RPS6KC1: variants seen among roughly 807,000 people sequenced by gnomAD.
RPS6KC1 encodes the protein ribosomal protein S6 kinase C1.
Under a neutral mutation model 103.8 loss-of-function variants are expected in RPS6KC1, and 54 were observed. That is an observed-to-expected ratio of 0.52 (90% CI 0.42 to 0.65). The LOEUF (loss-of-function observed/expected upper bound fraction) is 0.65. RPS6KC1 is among the 30% of genes least tolerant of loss of function. The pLI is 0.00. For missense variants in RPS6KC1, 1,151 were observed against 1,253.8 expected, an observed-to-expected ratio of 0.92 and a Z score of 1.24; for synonymous variants, 439 against 438.7, an observed-to-expected ratio of 1.00 and a Z score of -0.01.
chr1:213,292,352 A>T, the RPS6KC1 span, among the ~76,000 whole-genome samples: 11 of 152,368 alleles, frequency 7.2e-5, no homozygotes, highest in African/African-American at 2.6e-4. Context: ...TCCAAGCTCC[A>T]GCAAGGGAAT....
chr1:213,370,364 TG>T, the RPS6KC1 span, among the ~76,000 whole-genome samples: 1 of 152,040 alleles, frequency 6.6e-6, no homozygotes, highest in Admixed American at 6.6e-5. Flanking sequence ...CAGCACCTGG[TG>T]GAATGTCTGG....
chr1:213,241,664 G>C lies in RPS6KC1; in HGVS notation c.2188G>C (p.Asp730His). ...IIENKLLEAP[D>H]VLCLRLSTEQ... Reference sequence around the variant, plus strand: ...AGAAAATAAACTCTTGGAAGCCCCTGATGTTTTATGCCTCAGGCTTAGTAC... The same window carrying C: ...AGAAAATAAACTCTTGGAAGCCCCTCATGTTTTATGCCTCAGGCTTAGTAC... Residue 730 changes from aspartate (D) to histidine (H), a missense_variant, in exon 11 of 15, where the codon GAT becomes CAT. Physicochemically the swap from Asp to His is moderately conservative, Grantham distance 81. Transcript: ENST00000366960. The C allele has an allele frequency of 6.2e-7, 1 of 1,613,866 alleles. No individual in the cohort carries two copies. The highest frequency in any genetic ancestry group is 8.5e-7 in the Non-Finnish European group (1 of 1,179,940).
chr1:213,260,298 G>A (rs972254435), intron 12 of RPS6KC1, among the ~76,000 whole-genome samples: 2 of 152,190 alleles, frequency 1.3e-5, no homozygotes, highest in Non-Finnish European at 2.9e-5. Flanking sequence ...AGCACTTCAG[G>A]AAGAGGGTGG....
chr1:213,267,436 A>G (rs1469349359), intron 14 of RPS6KC1, among the ~76,000 whole-genome samples: 1 of 152,046 alleles, frequency 6.6e-6, no homozygotes, highest in East Asian at 1.9e-4. Context: ...CTTCATGGGG[A>G]AAAAATCAGA....
At chr1:213,276,428 A>C (rs919501946), downstream of RPS6KC1, among the ~76,000 whole-genome samples, 2 of 152,166 alleles carry the variant, frequency 1.3e-5, no homozygotes, top group African/African-American at 4.8e-5. Flanking sequence ...CAATAATGCA[A>C]AGTCTAGAGT....
At chr1:213,361,033 C>T in the RPS6KC1 span, among the ~76,000 whole-genome samples, 11 of 152,286 alleles carry the variant, frequency 7.2e-5, no homozygotes, top group East Asian at 1.7e-3. Flanking sequence ...GCAGTCTGTC[C>T]GTTCTCAGAT....
At chr1:213,827,987 C>A in the RPS6KC1 span, among the ~76,000 whole-genome samples, 1 of 152,162 alleles carries the variant, frequency 6.6e-6, no homozygotes, top group Non-Finnish European at 1.5e-5. Context: ...AAAGGGTTTT[C>A]AGGCCTCTTC....
At chr1:213,550,615 G>T in the RPS6KC1 span, among the ~76,000 whole-genome samples, 1 of 152,174 alleles carries the variant, frequency 6.6e-6, no homozygotes, top group Non-Finnish European at 1.5e-5. Context: ...AGGACATCTT[G>T]ATGGAATCGC....
At chr1:213,580,170 A>G in the RPS6KC1 span, among the ~76,000 whole-genome samples, 7 of 152,116 alleles carry the variant, frequency 4.6e-5, no homozygotes, top group African/African-American at 1.7e-4. Flanking sequence ...GTCATGATTC[A>G]TGGGAGGAGG....
In RPS6KC1 at chr1:213,242,292, A is replaced by T; in HGVS notation, c.2816A>T (p.Asp939Val). ...DLNPNNILLN[D>V]RGHIQLTYFS... is the part of the protein sequence containing the mutation. ...AACCCAAACAACATCTTATTGAATGATAGAGGTCAGGAACTTTTGCAAATG... is the reference window on the plus strand; with the variant it reads ...AACCCAAACAACATCTTATTGAATGTTAGAGGTCAGGAACTTTTGCAAATG... The change falls in exon 11 of 15, where the codon GAT (aspartate) becomes GTT (valine). Residue 939 changes from aspartate to valine, a missense_variant. Physicochemically the swap from Asp to Val is radical, Grantham distance 152. Coordinates refer to ENST00000366960, the MANE Select transcript of RPS6KC1 (RefSeq NM_012424.6). 1 of 1,613,780 alleles carries T rather than the reference A, an allele frequency of 6.2e-7. No homozygotes were observed. Among genetic ancestry groups the T allele is most frequent in the South Asian group, 1.1e-5 (1 of 91,062 alleles).
the RPS6KC1 span, among the ~76,000 whole-genome samples, chr1:213,677,696 A>G: frequency 6.6e-6 from 1 of 152,180 alleles, no homozygotes; most frequent in Non-Finnish European, 1.5e-5. Context: ...ATTGAGAAGC[A>G]GAAATGAACT....
chr1:213,395,052 C>T, the RPS6KC1 span, among the ~76,000 whole-genome samples: 11 of 152,304 alleles, frequency 7.2e-5, no homozygotes, highest in South Asian at 1.0e-3. Context: ...CTTCCCCTGC[C>T]GCAGCTTCCC....
At chr1:213,115,845 C>A (rs572146432) in intron 4 of RPS6KC1, among the ~76,000 whole-genome samples, 1 of 152,154 alleles carries the variant, frequency 6.6e-6, no homozygotes, top group African/African-American at 2.4e-5. Context: ...TGTTCAGTTT[C>A]CATGTAGTTG....
the RPS6KC1 span, among the ~76,000 whole-genome samples, chr1:213,345,993 A>G: frequency 6.6e-6 from 1 of 152,224 alleles, no homozygotes; most frequent in African/African-American, 2.4e-5. Flanking sequence ...GCTTTACAAT[A>G]AAGTTGCCGA....
chr1:213,698,537 T>G, the RPS6KC1 span, among the ~76,000 whole-genome samples: 1 of 152,166 alleles, frequency 6.6e-6, no homozygotes, highest in Non-Finnish European at 1.5e-5. Flanking sequence ...ACTTGGTCAT[T>G]TTGTTTTGCT....
the RPS6KC1 span, among the ~76,000 whole-genome samples, chr1:213,294,846 TCTC>T: frequency 3.3e-5 from 5 of 152,194 alleles, no homozygotes; most frequent in African/African-American, 7.2e-5. Context: ...AAACGCTTCT[TCTC>T]CTTCTTTTCA....
intron 6 of RPS6KC1, among the ~76,000 whole-genome samples, chr1:213,144,809 G>T (rs2087531295): frequency 6.6e-6 from 1 of 152,058 alleles, no homozygotes. Context: ...CAGTGCAGAG[G>T]TTCACGCCTG....
the RPS6KC1 span, among the ~76,000 whole-genome samples, chr1:213,514,009 C>G: frequency 2.3e-3 from 348 of 152,290 alleles, 1 homozygote; most frequent in African/African-American, 8.0e-3. Flanking sequence ...TAGTCCTTTG[C>G]TGTTTCAACA....
chr1:213,469,121 T>G, the RPS6KC1 span, among the ~76,000 whole-genome samples: 131,586 of 152,088 alleles, frequency 0.87, 57,035 homozygotes, highest in East Asian at 0.98. Flanking sequence ...GAGTGCAAGG[T>G]TTATGCAGGC....
Sources: allele counts gnomAD v4.1 joint callset (sites outside exome capture counted in the v4.1 genomes callset), GRCh38; gene constraint gnomAD v4.1.1; transcripts MANE v1.5; gene names NCBI Gene and HGNC (gene_info 2026-07-23, HGNC 2026-07-21).